The following COL6A3 variants were observed in gnomAD, a reference collection of about 807,000 sequenced individuals.
COL6A3 encodes the protein collagen type VI alpha 3 chain.
In COL6A3, 137 loss-of-function variants were observed where a neutral mutation model predicts 274.1. The ratio of observed to expected loss-of-function variants is 0.50; its 90% CI spans 0.44 to 0.58. The LOEUF (loss-of-function observed/expected upper bound fraction) is 0.58. Among genes scored for constraint, COL6A3 ranks in the 20% least tolerant of loss-of-function variants. The pLI is 0.00. For synonymous variants in COL6A3, 1,650 were observed against 1,650.6 expected (o/e 1.00, Z 0.01); for missense variants, 3,950 against 4,124.9 (o/e 0.96, Z 1.16).
rs1231503337 is a variant in COL6A3 at position 237,368,480 on chromosome 2, T to C, written c.4900+83A>G. 1 of 1,507,480 alleles carries C rather than the reference T, an allele frequency of 6.6e-7. No individual in the cohort carries two copies. Among genetic ancestry groups the C allele is most frequent in the Non-Finnish European group, 9.0e-7 (1 of 1,113,442 alleles). The allele number at this position is 1,507,480 out of a possible 1,614,324, so 93.4% of individuals were successfully genotyped here. On this transcript the variant is annotated intron_variant, in intron 10 of 43. Transcript: ENST00000295550. The surrounding 1 kb of genome is among the most constrained non-coding windows in gnomAD (Gnocchi z 4.4). ...AACAACCCAGAGAGAAGAAAATTAT[T>C]AAAAATGACTACTGATTACTTTTTT...
Position 237,364,002 on chromosome 2 carries a change from A to G in COL6A3, c.5917+348T>C, listed in dbSNP as rs932660729. On this transcript the variant is annotated intron_variant, in intron 13 of 43. Transcript: ENST00000295550. This position sits in a 1 kb window ranked among gnomAD's most constrained non-coding sequence, Gnocchi z 4.6. Reference sequence around the variant, plus strand: ...GAACTGTGATAACTGCAAACCAAAAATAGAGCAATGTATTTTTATTAGTAA... The same window carrying G: ...GAACTGTGATAACTGCAAACCAAAAGTAGAGCAATGTATTTTTATTAGTAA... Among the ~76,000 whole-genome samples the G allele has an allele frequency of 1.3e-5, 2 of 152,240 alleles. No homozygotes were observed. Among genetic ancestry groups the G allele is most frequent in the African/African-American group, 4.8e-5 (2 of 41,458 alleles).
intron 21 of COL6A3, 119 bp downstream of exon 21, chr2:237,358,402 A>G (rs768832200): frequency 9.3e-5 from 81 of 872,710 alleles, no homozygotes; most frequent in Middle Eastern, 2.1e-4. Context: ...GACAAAGCAC[A>G]TATTTTATCA....
intron 1 of COL6A3, among the ~76,000 whole-genome samples, chr2:237,412,770 C>T (rs1345878674): frequency 6.6e-6 from 1 of 152,194 alleles, no homozygotes; most frequent in African/African-American, 2.4e-5. Flanking sequence ...TCCCCGTGAG[C>T]TCTGAGCACC....
At position 237,346,686 on chromosome 2, in the gene COL6A3, C is replaced by G. The variant is rs544632984; in HGVS notation, c.7030-121G>C. ...AAGGGACTCCATCACCACGAAAAATCTCTCACTTTAAGGGAGCTAAAATGT... is the reference window on the plus strand; with the variant it reads ...AAGGGACTCCATCACCACGAAAAATGTCTCACTTTAAGGGAGCTAAAATGT... On this transcript the variant is annotated intron_variant, in intron 31 of 43. Transcript: ENST00000295550. The G allele has an allele frequency of 9.6e-5, 86 of 893,476 alleles. No individual in the cohort carries two copies. The Middle Eastern group carries it at 2.4e-3, about 25-fold the overall frequency. The allele number at this position is 893,476 out of a possible 1,614,324, so 55.3% of individuals were successfully genotyped here. A position where few individuals can be genotyped will look rare whatever the true frequency, so the allele number is the denominator to read the frequency against.
At chr2:237,377,468 C>A in intron 6 of COL6A3, 124 bp from the exon 7 acceptor site, 1 of 943,084 alleles carries the variant, frequency 1.1e-6, no homozygotes, top group Non-Finnish European at 1.7e-6. Context: ...ACTGTGCCAG[C>A]AAGAGAAGAG....
intron 41 of COL6A3, among the ~76,000 whole-genome samples, 172 bp from the exon 42 acceptor site, chr2:237,333,720 T>C (rs1700385464): frequency 6.6e-6 from 1 of 152,238 alleles, no homozygotes; most frequent in Admixed American, 6.5e-5. Context: ...TGCTGTGGGC[T>C]ACAAGTTGGA....
At chr2:237,398,944 T>A (rs1466907046) in intron 1 of COL6A3, among the ~76,000 whole-genome samples, 1 of 152,226 alleles carries the variant, frequency 6.6e-6, no homozygotes, top group East Asian at 1.9e-4. Context: ...CAGTTTTTCA[T>A]AATTTTTCAT....
Position 237,361,945 on chromosome 2 carries a change from G to A in COL6A3, c.6064-114C>T, listed in dbSNP as rs1279276535. On this transcript the variant is annotated intron_variant, in intron 14 of 43. Coordinates refer to ENST00000295550, the MANE Select transcript of COL6A3 (RefSeq NM_004369.4). The surrounding 1 kb of genome is among the most constrained non-coding windows in gnomAD (Gnocchi z 5.1). ...GTGTGGGGGTTTCACGGTGTGAGAT[G>A]AAGTCCCTCCAGGTGACATTTGCTG... 2.2e-6 allele frequency: 2 copies of A among 918,560 alleles called. No individual in the cohort carries two copies. The highest frequency in any genetic ancestry group is 3.6e-6 in the Non-Finnish European group (2 of 562,784). The allele number at this position is 918,560 out of a possible 1,614,324, so 56.9% of individuals were successfully genotyped here. A position where few individuals can be genotyped will look rare whatever the true frequency, so the allele number is the denominator to read the frequency against.
chr2:237,394,553 A>G, intron 3 of COL6A3, 34 bp downstream of exon 3: 1 of 1,613,060 alleles, frequency 6.2e-7, no homozygotes, highest in South Asian at 1.1e-5. Context: ...CAAGAACAGC[A>G]GGGCAGGGCG....
intron 42 of COL6A3, chr2:237,329,665 A>T (rs1700121752): frequency 1.3e-5 from 2 of 152,182 alleles, no homozygotes; most frequent in Non-Finnish European, 2.9e-5. Context: ...CTAATTGATG[A>T]TATATATTCA....
Position 237,340,644 on chromosome 2 carries a change from C to T in COL6A3, c.8272G>A (p.Val2758Ile). Residue 2758 changes from valine to isoleucine, a missense_variant, in exon 38 of 44, where the codon GTC (valine) becomes ATC (isoleucine). Coordinates refer to ENST00000295550, the MANE Select transcript of COL6A3 (RefSeq NM_004369.4). ...CCCTTGCATTTGGCCTGCAGGATGA[C>T]TCTCTGGGCCTCCTCCAGCTGCTGC... ...PEQQLEEAQRVILQAKCKGYF... is the reference protein window; with the variant it reads ...PEQQLEEAQRIILQAKCKGYF... 1 of 1,614,228 alleles carries T rather than the reference C, an allele frequency of 6.2e-7. No homozygotes were observed.
chr2:237,328,356 G>C (rs1001925896), intron 42 of COL6A3: 6 of 152,228 alleles, frequency 3.9e-5, no homozygotes, highest in Admixed American at 6.5e-5. Flanking sequence ...TGCCTACCTA[G>C]AACATCCTAA....
chr2:237,333,294 A>T, intron 42 of COL6A3, 156 bp downstream of exon 42: 1 of 713,212 alleles, frequency 1.4e-6, no homozygotes, highest in Non-Finnish European at 2.5e-6. Context: ...GGGATTATGC[A>T]GAATAAGATG....
At chr2:237,338,949 T>TAA in intron 39 of COL6A3, 66 bp downstream of exon 39, 1 of 1,241,340 alleles carries the variant, frequency 8.1e-7, no homozygotes. Flanking sequence ...AGTCAGGAGG[T>TAA]GGTTGGAGGA....
intron 10 of COL6A3, 47 bp from the exon 11 acceptor site, chr2:237,367,333 C>A: frequency 6.3e-7 from 1 of 1,581,346 alleles, no homozygotes; most frequent in Non-Finnish European, 8.6e-7. Flanking sequence ...GTTTCCAGAC[C>A]CAGAACATAA....
intron 23 of COL6A3, chr2:237,356,800 T>C (rs1458130000): frequency 6.0e-6 from 1 of 167,332 alleles, no homozygotes; most frequent in Non-Finnish European, 1.3e-5. Flanking sequence ...GACTTTAGCA[T>C]TTATTCAACA....
At chr2:237,338,645 G>A (rs1041774900) in intron 39 of COL6A3, among the ~76,000 whole-genome samples, 1 of 152,140 alleles carries the variant, frequency 6.6e-6, no homozygotes, top group Non-Finnish European at 1.5e-5. Context: ...GCATGCACCT[G>A]TAGTCCCAGC....
intron 3 of COL6A3, among the ~76,000 whole-genome samples, chr2:237,391,924 G>A (rs925145024): frequency 6.6e-6 from 1 of 152,180 alleles, no homozygotes; most frequent in African/African-American, 2.4e-5. Context: ...GTTCATTGTA[G>A]ATACCCTCTT....
In COL6A3 at chr2:237,361,837, G is replaced by A. The variant is rs202091342; in HGVS notation, c.6064-6C>T. On this transcript the variant is annotated splice_polypyrimidine_tract_variant and splice_region_variant and intron_variant, in intron 14 of 43. Transcript: ENST00000295550. This position sits in a 1 kb window ranked among gnomAD's most constrained non-coding sequence, Gnocchi z 5.1. ...GCTTTCTCGGCAATGTTGTCCTACC[G>A]AAAGGAAGAGAAACCAAATGTTCAG... The A allele has an allele frequency of 5.0e-4, 809 of 1,612,502 alleles. 6 individuals are homozygous for A. The South Asian group carries it at 6.0e-3, about 12-fold the overall frequency.
Sources: gnomAD v4.1 joint callset for allele counts (sites outside exome capture counted in the v4.1 genomes callset) on GRCh38, gnomAD v4.1.1 for gene constraint, Gnocchi (gnomAD v3.1) non-coding constraint, MANE v1.5 for transcripts, NCBI Gene and HGNC (gene_info 2026-07-23, HGNC 2026-07-21) for gene names.